USP32: variants seen among roughly 807,000 people sequenced by gnomAD.
USP32 encodes ubiquitin specific peptidase 32.
A neutral mutation model predicts 204.8 loss-of-function variants in USP32; 59 were observed. The ratio of observed to expected loss-of-function variants is 0.29; its 90% CI spans 0.23 to 0.36. The LOEUF (loss-of-function observed/expected upper bound fraction) is 0.36. Ranked by LOEUF, USP32 falls within the 10% of genes least tolerant of loss-of-function variation. The pLI, the probability that USP32 is intolerant of heterozygous loss-of-function variation, is 1.00. For missense variants in USP32, 1,160 were observed against 1,946.4 expected, an observed-to-expected ratio of 0.60 and a Z score of 7.60; for synonymous variants, 517 against 678.4, an observed-to-expected ratio of 0.76 and a Z score of 3.70.
intron 27 of USP32, among the ~76,000 whole-genome samples, chr17:60,197,179 C>CA (rs754399504): frequency 2.0e-3 from 278 of 138,492 alleles, no homozygotes; most frequent in East Asian, 6.5e-3. Flanking sequence ...GAATCTGTCT[C>CA]AAAAAAAAAA....
At chr17:60,281,527 C>T (rs1274992278) in intron 5 of USP32, among the ~76,000 whole-genome samples, 1 of 149,560 alleles carries the variant, frequency 6.7e-6, no homozygotes, top group Admixed American at 6.6e-5. Flanking sequence ...AAGAGTGAGA[C>T]TCCGTCTCAA....
chr17:60,203,266 T>C (rs35165672), intron 26 of USP32, among the ~76,000 whole-genome samples: 170 of 151,702 alleles, frequency 1.1e-3, no homozygotes, highest in Non-Finnish European at 1.9e-3. Context: ...CCAGGCATGG[T>C]GGCGTGCACC....
chr17:60,197,357 C>A (rs2084547842), intron 27 of USP32, among the ~76,000 whole-genome samples: 1 of 152,188 alleles, frequency 6.6e-6, no homozygotes, highest in African/African-American at 2.4e-5. Flanking sequence ...GTAATCCCAG[C>A]ACTTTGGGAG....
At chr17:60,310,696 C>G (rs1020023981) in intron 2 of USP32, among the ~76,000 whole-genome samples, 2 of 143,404 alleles carry the variant, frequency 1.4e-5, no homozygotes, top group African/African-American at 5.1e-5. Context: ...AGATTCCATC[C>G]AAAAAAAAAA....
chr17:60,181,718 G>T lies in USP32; in HGVS notation c.4154C>A (p.Thr1385Asn), dbSNP rs775752851. 8 of 1,608,354 alleles carry T rather than the reference G, an allele frequency of 5.0e-6. No homozygotes were observed. Among genetic ancestry groups the T allele is most frequent in the African/African-American group, 1.3e-5 (1 of 74,622 alleles). ...GCTGTTTTTGCTGGAGGGACAGCTG[G>T]TTCCACTTTTTCTTGATGAAGAAGG... Reference protein sequence around the residue: ...GSPSSSRKSGTSCPSSKNSSP... With the variant: ...GSPSSSRKSGNSCPSSKNSSP... Residue 1385 changes from threonine to asparagine, a missense_variant, in exon 32 of 34, where the codon ACC becomes AAC. Around this residue, in one of 8 missense-constraint regions of USP32, gnomAD observed 244 missense variants for 342.3 expected, o/e 0.71. Coordinates refer to ENST00000300896, the MANE Select transcript of USP32 (RefSeq NM_032582.4).
chr17:60,310,612 T>G (rs549840878), intron 2 of USP32, among the ~76,000 whole-genome samples: 3 of 151,898 alleles, frequency 2.0e-5, no homozygotes, highest in South Asian at 4.2e-4. Context: ...GGCAGGAGAA[T>G]CACTTGAACC....
At chr17:60,421,372 C>T (rs1234686043) in intron 1 of USP32, 1 of 985,380 alleles carries the variant, frequency 1.0e-6, no homozygotes, top group East Asian at 1.1e-4. Flanking sequence ...GCTACCCCTA[C>T]TTGAAGCCGC....
chr17:60,268,334 T>C (rs2086645926), intron 7 of USP32, among the ~76,000 whole-genome samples: 1 of 151,458 alleles, frequency 6.6e-6, no homozygotes, highest in African/African-American at 2.4e-5. Context: ...TTTGGAAGGC[T>C]GAGGTGGGCG....
rs191903412 is a variant in USP32, at chr17:60,339,644, C to A, written c.186+5837G>T. Among the ~76,000 whole-genome samples the A allele has an allele frequency of 2.2e-3, 330 of 150,916 alleles. 4 individuals are homozygous for A. Among genetic ancestry groups the A allele is most frequent in the African/African-American group, 7.5e-3 (310 of 41,074 alleles). On this transcript the variant is annotated intron_variant, in intron 2 of 33. Transcript: ENST00000300896. ...GTTCTTATTCCTCACCTAAAATATTCTCTGCATTGGAATGTATAACAGTAA... is the reference window on the plus strand; with the variant it reads ...GTTCTTATTCCTCACCTAAAATATTATCTGCATTGGAATGTATAACAGTAA...
chr17:60,311,026 T>C (rs2087840198), intron 2 of USP32, among the ~76,000 whole-genome samples: 1 of 152,078 alleles, frequency 6.6e-6, no homozygotes, highest in Non-Finnish European at 1.5e-5. Flanking sequence ...GGAATACAGA[T>C]AAGTTGATTA....
intron 27 of USP32, among the ~76,000 whole-genome samples, chr17:60,197,050 G>A (rs1020279608): frequency 4.0e-5 from 6 of 151,490 alleles, no homozygotes; most frequent in African/African-American, 1.5e-4. Flanking sequence ...GTGTGGTTAC[G>A]AGCATCTGTA....
intron 9 of USP32, among the ~76,000 whole-genome samples, chr17:60,263,129 T>C (rs1313040846): frequency 6.6e-6 from 1 of 152,098 alleles, no homozygotes; most frequent in Admixed American, 6.6e-5. Flanking sequence ...TTTTCTTTTT[T>C]TAGAGATAGA....
At chr17:60,350,729 G>T (rs1272607423) in intron 1 of USP32, among the ~76,000 whole-genome samples, 1 of 152,120 alleles carries the variant, frequency 6.6e-6, no homozygotes, top group Non-Finnish European at 1.5e-5. Flanking sequence ...TAAAATTACA[G>T]TGAGAATAAA....
intron 11 of USP32, among the ~76,000 whole-genome samples, chr17:60,238,879 G>A (rs866542687): frequency 6.6e-6 from 1 of 151,954 alleles, no homozygotes; most frequent in Non-Finnish European, 1.5e-5. Flanking sequence ...AGCTGAGGTG[G>A]GAGGGAGTTT....
At chr17:60,240,660 G>A (rs1332905610) in intron 11 of USP32, among the ~76,000 whole-genome samples, 4 of 151,880 alleles carry the variant, frequency 2.6e-5, no homozygotes, top group Admixed American at 6.6e-5. Flanking sequence ...GAAAGTTTAC[G>A]GGTCTTATAA....
intron 16 of USP32, among the ~76,000 whole-genome samples, chr17:60,215,377 T>C (rs2085075281): frequency 6.6e-6 from 1 of 150,510 alleles, no homozygotes; most frequent in Admixed American, 6.6e-5. Flanking sequence ...CCAAGAAGAG[T>C]AGGAACATGC....
chr17:60,222,307 G>T (rs2085272752), intron 15 of USP32, 102 bp downstream of exon 15: 2 of 1,313,652 alleles, frequency 1.5e-6, no homozygotes, highest in Admixed American at 4.1e-5. Context: ...TCTACCACAA[G>T]GTAAGAGCTA....
intron 11 of USP32, among the ~76,000 whole-genome samples, chr17:60,241,875 C>T (rs891851565): frequency 1.3e-5 from 2 of 152,012 alleles, no homozygotes; most frequent in African/African-American, 2.4e-5. Flanking sequence ...TTAATTTTTT[C>T]TAAGTCTTAC....
intron 1 of USP32, among the ~76,000 whole-genome samples, chr17:60,365,619 C>T (rs2089296649): frequency 6.6e-6 from 1 of 151,086 alleles, no homozygotes; most frequent in Admixed American, 6.6e-5. Flanking sequence ...CCAAGGAACT[C>T]TTGTCCTCCT....
Sources: gnomAD v4.1 joint callset for allele counts (sites outside exome capture counted in the v4.1 genomes callset) on GRCh38, gnomAD v4.1.1 for gene constraint, gnomAD v4.1.1 regional missense constraint, MANE v1.5 for transcripts, NCBI Gene and HGNC (gene_info 2026-07-23, HGNC 2026-07-21) for gene names.